Variants in MTUS1 observed in about 807,000 individuals in gnomAD.
MTUS1 encodes the protein microtubule-associated tumor suppressor 1.
Under a neutral mutation model 120.8 loss-of-function variants are expected in MTUS1, and 109 were observed. That is an observed-to-expected ratio of 0.90 (90% CI 0.77 to 1.06). MTUS1 has a LOEUF of 1.06. Among genes scored for constraint, MTUS1 ranks in the 50% least tolerant of loss-of-function variants. The probability of loss-of-function intolerance (pLI) is 0.00; values close to 1 mark genes in which losing one functional copy is unlikely to be tolerated. For synonymous variants in MTUS1, 737 were observed against 550.5 expected (o/e 1.34, Z -4.74); for missense variants, 2,210 against 1,486.3 (o/e 1.49, Z -8.01).
chr8:17,687,489 A>T (rs1816071652), intron 6 of MTUS1, among the ~76,000 whole-genome samples: 1 of 152,222 alleles, frequency 6.6e-6, no homozygotes, highest in African/African-American at 2.4e-5. Flanking sequence ...ACCCTTGCTT[A>T]TTAGCATGTT....
At chr8:17,784,536 C>G (rs920821908) in intron 1 of MTUS1, among the ~76,000 whole-genome samples, 1 of 152,116 alleles carries the variant, frequency 6.6e-6, no homozygotes, top group African/African-American at 2.4e-5. Flanking sequence ...CTCAGGTGAT[C>G]TGCCTGCCTC....
intron 1 of MTUS1, among the ~76,000 whole-genome samples, chr8:17,760,917 G>C (rs1265510755): frequency 6.6e-6 from 1 of 151,662 alleles, no homozygotes; most frequent in African/African-American, 2.4e-5. Context: ...CCAGAACAAG[G>C]TATAACACCA....
intron 1 of MTUS1, among the ~76,000 whole-genome samples, chr8:17,782,611 G>A (rs563362376): frequency 5.9e-5 from 9 of 152,300 alleles, no homozygotes; most frequent in Admixed American, 2.6e-4. Flanking sequence ...ATACATTTAT[G>A]TATTTCATAT....
At chr8:17,721,613 C>A in intron 4 of MTUS1, 1 of 1,369,076 alleles carries the variant, frequency 7.3e-7, no homozygotes, top group African/African-American at 1.5e-5. Context: ...CCATAAATTA[C>A]AAGTTACAAA....
At chr8:17,744,691 T>C (rs1308651994) in intron 2 of MTUS1, among the ~76,000 whole-genome samples, 2 of 97,246 alleles carry the variant, frequency 2.1e-5, no homozygotes, top group African/African-American at 3.5e-5. Flanking sequence ...CATGTTTTCT[T>C]TTTTTTTTTT....
chr8:17,722,545 G>A (rs2045921176), intron 4 of MTUS1: 1 of 985,228 alleles, frequency 1.0e-6, no homozygotes, highest in South Asian at 4.7e-5. Flanking sequence ...TATTCCTGAA[G>A]TGCCAGGGTA....
chr8:17,759,628 T>G (rs558122072), intron 1 of MTUS1, among the ~76,000 whole-genome samples: 1 of 139,336 alleles, frequency 7.2e-6, no homozygotes, highest in African/African-American at 2.5e-5. Flanking sequence ...CTCTTTCTTT[T>G]TATATATTTA....
intron 1 of MTUS1, among the ~76,000 whole-genome samples, chr8:17,790,629 T>C (rs80271763): frequency 6.6e-6 from 1 of 152,214 alleles, no homozygotes; most frequent in Non-Finnish European, 1.5e-5. Context: ...GTTCTGTGAT[T>C]AGAAAATGTG....
intron 3 of MTUS1, among the ~76,000 whole-genome samples, chr8:17,736,804 C>T (rs1586052750): frequency 4.6e-5 from 7 of 152,048 alleles, no homozygotes. Flanking sequence ...AGGCTGGTCT[C>T]GAACTTCTGA....
Position 17,789,332 on chromosome 8 carries a change from C to A in MTUS1, c.-155+11729G>T, listed in dbSNP as rs531340576. 3.9e-5 allele frequency among the ~76,000 whole-genome samples: 6 copies of A among 152,176 alleles called. No homozygotes were observed. The East Asian group carries it at 1.2e-3, about 29-fold the overall frequency. On this transcript the variant is annotated intron_variant, in intron 1 of 14. Transcript: ENST00000693296. ...AGGTGTCAGCCACTGCCCCCGGCCA[C>A]TTTTAGTTTTTAAATTATATGCAGT...
At chr8:17,782,586 A>G (rs2050953962) in intron 1 of MTUS1, among the ~76,000 whole-genome samples, 1 of 152,246 alleles carries the variant, frequency 6.6e-6, no homozygotes, top group African/African-American at 2.4e-5. Context: ...GAGTACATCC[A>G]AAAATACAGA....
At chr8:17,685,485 A>G (rs1381008856) in intron 6 of MTUS1, among the ~76,000 whole-genome samples, 2 of 152,172 alleles carry the variant, frequency 1.3e-5, no homozygotes, top group Non-Finnish European at 2.9e-5. Flanking sequence ...CTAAAAAAAA[A>G]AAAAAGTTTC....
In MTUS1 at chr8:17,655,903, A is replaced by G. The variant is rs201616590; in HGVS notation, c.3068T>C (p.Ile1023Thr). 33 of 1,614,212 alleles carry G rather than the reference A, an allele frequency of 2.0e-5. No individual in the cohort carries two copies. The highest frequency in any genetic ancestry group is 1.2e-4 in the African/African-American group (9 of 75,050). Reference sequence around the variant, plus strand: ...CATTTTGTACTTCTCTGCTTCTTCAATGTAAGTGTCCCGAAGCTTTTCATA... The same window carrying G: ...CATTTTGTACTTCTCTGCTTCTTCAGTGTAAGTGTCCCGAAGCTTTTCATA... ...REYEKLRDTY[I>T]EEAEKYKMQL... The change falls in exon 9 of 15, where the codon ATT (isoleucine) becomes ACT (threonine). Residue 1023 changes from isoleucine (I) to threonine (T), a missense_variant. Ile to Thr is a moderately conservative substitution (Grantham distance 89). Coordinates refer to ENST00000693296, the MANE Select transcript of MTUS1 (RefSeq NM_001363059.2).
chr8:17,753,922 G>T lies in MTUS1; in HGVS notation c.1886C>A (p.Ser629Tyr). 6.2e-7 allele frequency: 1 copy of T among 1,614,142 alleles called. No homozygotes were observed. Among genetic ancestry groups the T allele is most frequent in the South Asian group, 1.1e-5 (1 of 91,076 alleles). ...SSSNSACETG[S>Y]VSALFQKIKG... ...GATCTTCTGAAACAACGCAGAAACG[G>T]ACCCGGTCTCGCATGCTGAGTTAGA... The change falls in exon 2 of 15, where the codon TCC becomes TAC. Residue 629 changes from serine (S) to tyrosine (Y), a missense_variant. Physicochemically the swap from Ser to Tyr is moderately radical, Grantham distance 144. Coordinates refer to ENST00000693296, the MANE Select transcript of MTUS1 (RefSeq NM_001363059.2).
At chr8:17,706,057 G>C (rs1156720051) in intron 6 of MTUS1, 1 of 152,080 alleles carries the variant, frequency 6.6e-6, no homozygotes, top group Non-Finnish European at 1.5e-5. Flanking sequence ...GACCCCAAGA[G>C]GTTGGTTCTT....
intron 1 of MTUS1, among the ~76,000 whole-genome samples, chr8:17,787,067 G>T (rs2051361178): frequency 6.6e-6 from 1 of 152,302 alleles, no homozygotes; most frequent in East Asian, 1.9e-4. Context: ...ACATCATAAG[G>T]GCTGGTGAGA....
chr8:17,729,876 C>T (rs2046443552), intron 3 of MTUS1, among the ~76,000 whole-genome samples: 1 of 149,484 alleles, frequency 6.7e-6, no homozygotes, highest in African/African-American at 2.5e-5. Flanking sequence ...AAGAAGACAA[C>T]AAATAGCCCA....
chr8:17,788,443 G>A (rs1164180492), intron 1 of MTUS1, among the ~76,000 whole-genome samples: 5 of 152,034 alleles, frequency 3.3e-5, no homozygotes, highest in African/African-American at 4.8e-5. Flanking sequence ...ACTAGTTACC[G>A]TTTCTGTCTC....
chr8:17,699,556 AAAG>A (rs1349532066), intron 6 of MTUS1, among the ~76,000 whole-genome samples: 1 of 152,200 alleles, frequency 6.6e-6, no homozygotes, highest in Non-Finnish European at 1.5e-5. Context: ...AGACTCCCTA[AAAG>A]AAGAAATTAC....
Sources: gnomAD v4.1 joint callset for allele counts (sites outside exome capture counted in the v4.1 genomes callset) on GRCh38, gnomAD v4.1.1 for gene constraint, MANE v1.5 for transcripts, NCBI Gene and HGNC (gene_info 2026-07-23, HGNC 2026-07-21) for gene names.